CHD1L: variants seen among roughly 807,000 people sequenced by gnomAD.
The protein encoded by CHD1L is chromodomain helicase DNA binding protein 1 like.
CHD1L carries 118 observed loss-of-function variants against 115.9 expected under a neutral mutation model. The observed-to-expected ratio is 1.02, with a 90% CI of 0.88 to 1.19. The LOEUF (loss-of-function observed/expected upper bound fraction) is 1.19, where lower values mean the gene tolerates loss of function less well. Among genes scored for constraint, CHD1L ranks in the 50% most tolerant of loss-of-function variants. CHD1L has a pLI of 0.00. For synonymous variants in CHD1L, 411 were observed against 387.1 expected (o/e 1.06, Z -0.72); for missense variants, 1,179 against 1,065.3 (o/e 1.11, Z -1.49).
the CHD1L span, chr1:147,179,688 G>T: frequency 1.1e-6 from 1 of 883,788 alleles, no homozygotes; most frequent in East Asian, 2.5e-5. Context: ...AAAACCACTG[G>T]GGAGGACTAG....
intron 21 of CHD1L, among the ~76,000 whole-genome samples, chr1:147,294,128 TATTGA>T (rs2103037498): frequency 1.3e-5 from 2 of 152,352 alleles, no homozygotes; most frequent in East Asian, 3.9e-4. Flanking sequence ...TCTCAGAGCT[TATTGA>T]ATTGATTGGC....
At position 147,276,207 on chromosome 1, in the gene CHD1L, G is replaced by A. The variant is rs782167543; in HGVS notation, c.1489G>A (p.Gly497Ser). 1.9e-6 allele frequency: 3 copies of A among 1,614,182 alleles called. No homozygotes were observed. The highest frequency in any genetic ancestry group is 1.1e-5 in the South Asian group (1 of 91,084). ...GCTCACCAACATGATCATAGAAGGAGGCCATTTTACTCTGGGAGCCCAGAA... is the reference window on the plus strand; with the variant it reads ...GCTCACCAACATGATCATAGAAGGAAGCCATTTTACTCTGGGAGCCCAGAA... ...LQLTNMIIEG[G>S]HFTLGAQKPA... Residue 497 changes from glycine (G) to serine (S), a missense_variant, in exon 14 of 23, where the codon GGC (glycine) becomes AGC (serine). By Grantham distance (56) the Gly-to-Ser change is moderately conservative (BLOSUM62 0). Transcript: ENST00000369258.
chr1:147,186,400 A>C, the CHD1L span: 1 of 895,850 alleles, frequency 1.1e-6, no homozygotes, highest in Non-Finnish European at 1.3e-6. Context: ...TCTTAGATAC[A>C]TACAACTATT....
At position 147,268,883 on chromosome 1, in the gene CHD1L, G is replaced by A. The variant is rs782324891; in HGVS notation, c.1085+5G>A. The A allele has an allele frequency of 1.2e-6, 2 of 1,608,412 alleles. No homozygotes were observed. Among genetic ancestry groups the A allele is most frequent in the Non-Finnish European group, 1.7e-6 (2 of 1,175,592 alleles). On this transcript the variant is annotated splice_donor_5th_base_variant and intron_variant, in intron 10 of 22. Transcript: ENST00000369258. The stretch of plus-strand genomic sequence containing the variant: ...ACTAGCATTCCTGTATTCTGGGTAG[G>A]TGGTAGGTTCACATTTGCTGCTCTG...
At position 147,272,232 on chromosome 1, in the gene CHD1L, G is replaced by C; in HGVS notation, c.1221G>C (p.Lys407Asn). The C allele has an allele frequency of 6.2e-7, 1 of 1,614,194 alleles. No homozygotes were observed. Among genetic ancestry groups the C allele is most frequent in the East Asian group, 2.2e-5 (1 of 44,882 alleles). ...GAGAAGAGAGACACTTGGCCATTAAGAACTTTGGACAGCAGCCCATTTTCG... is the reference window on the plus strand; with the variant it reads ...GAGAAGAGAGACACTTGGCCATTAACAACTTTGGACAGCAGCCCATTTTCG... Reference protein sequence around the residue: ...VRGEERHLAIKNFGQQPIFVF... With the variant: ...VRGEERHLAINNFGQQPIFVF... The change falls in exon 12 of 23, where the codon AAG (lysine) becomes AAC (asparagine). Residue 407 changes from lysine (K) to asparagine (N), a missense_variant. Coordinates refer to ENST00000369258, the MANE Select transcript of CHD1L (RefSeq NM_004284.6).
intron 17 of CHD1L, among the ~76,000 whole-genome samples, chr1:147,285,842 G>A (rs1042097196): frequency 6.6e-6 from 1 of 152,042 alleles, no homozygotes; most frequent in Admixed American, 6.6e-5. Context: ...GAACACAGGT[G>A]TGTGCCACCA....
Position 147,275,404 on chromosome 1 carries a change from A to T in CHD1L, c.1321A>T (p.Ser441Cys). The T allele has an allele frequency of 6.2e-7, 1 of 1,614,142 alleles. No individual in the cohort carries two copies. Among genetic ancestry groups the T allele is most frequent in the Non-Finnish European group, 8.5e-7 (1 of 1,180,004 alleles). Reference sequence around the variant, plus strand: ...AGCAGATACTGTGATTTTTGTTGACAGTGACTTTAATCCTCAGAATGACTT... The same window carrying T: ...AGCAGATACTGTGATTTTTGTTGACTGTGACTTTAATCCTCAGAATGACTT... ...TAADTVIFVD[S>C]DFNPQNDLQA... Residue 441 changes from serine to cysteine, a missense_variant, in exon 13 of 23, where the codon AGT becomes TGT. Ser to Cys is a moderately radical substitution (Grantham distance 112, BLOSUM62 -1). Transcript: ENST00000369258.
At chr1:147,217,220 C>T in the CHD1L span, among the ~76,000 whole-genome samples, 1 of 144,604 alleles carries the variant, frequency 6.9e-6, no homozygotes, top group African/African-American at 2.6e-5. Context: ...GCCTGGGCAA[C>T]AAGAGCAAAA....
intron 1 of CHD1L, among the ~76,000 whole-genome samples, chr1:147,250,005 A>G (rs1209582750): frequency 1.3e-5 from 2 of 152,076 alleles, no homozygotes; most frequent in African/African-American, 2.4e-5. Context: ...GATCCCATCA[A>G]CAGCATCAGT....
intron 1 of CHD1L, among the ~76,000 whole-genome samples, chr1:147,248,436 T>C (rs924002563): frequency 1.3e-5 from 2 of 151,986 alleles, no homozygotes; most frequent in Non-Finnish European, 2.9e-5. Context: ...TTGAACTCCC[T>C]ACCTCAGGAG....
chr1:147,199,231 G>GA, the CHD1L span, among the ~76,000 whole-genome samples: 1 of 144,264 alleles, frequency 6.9e-6, no homozygotes, highest in East Asian at 2.0e-4. Flanking sequence ...GGGCAGACAT[G>GA]AAAAAAATGG....
chr1:147,178,758 G>T, the CHD1L span: 207 of 1,597,836 alleles, frequency 1.3e-4, no homozygotes, highest in East Asian at 3.7e-3. Flanking sequence ...CTAACAAGTT[G>T]GAGGACAAGA....
At chr1:147,186,993 T>C in the CHD1L span, 1 of 1,614,228 alleles carries the variant, frequency 6.2e-7, no homozygotes, top group South Asian at 1.1e-5. Flanking sequence ...TCCTTTCAAC[T>C]ACTCTTGTCA....
the CHD1L span, chr1:147,225,256 G>A: frequency 8.4e-7 from 1 of 1,192,100 alleles, no homozygotes; most frequent in Non-Finnish European, 1.1e-6. Flanking sequence ...ACCCAGAGCT[G>A]AGAGTGCTCT....
chr1:147,200,218 C>T, the CHD1L span, among the ~76,000 whole-genome samples: 1 of 152,146 alleles, frequency 6.6e-6, no homozygotes, highest in Non-Finnish European at 1.5e-5. Flanking sequence ...CAAGATTTCA[C>T]TCCTTGATTC....
chr1:147,272,382 G>A, intron 12 of CHD1L, 101 bp downstream of exon 12: 1 of 820,672 alleles, frequency 1.2e-6, no homozygotes, highest in East Asian at 2.5e-5. Context: ...TCTCTGAAAG[G>A]TGAGGTTACT....
At chr1:147,225,237 G>C in the CHD1L span, 1 of 1,355,660 alleles carries the variant, frequency 7.4e-7, no homozygotes, top group Non-Finnish European at 9.6e-7. Flanking sequence ...GGAGCCCTGC[G>C]CCTGCAAGAC....
chr1:147,226,107 C>CT, the CHD1L span, among the ~76,000 whole-genome samples: 1,346 of 147,764 alleles, frequency 9.1e-3, 19 homozygotes, highest in Admixed American at 0.035. Flanking sequence ...ATTTATCTTA[C>CT]TTTTTTTTTT....
At chr1:147,186,686 G>A in the CHD1L span, 1 of 1,383,408 alleles carries the variant, frequency 7.2e-7, no homozygotes, top group Non-Finnish European at 9.3e-7. Flanking sequence ...ATTACCACAA[G>A]GAAGAGTGAC....
Sources: allele counts gnomAD v4.1 joint callset (sites outside exome capture counted in the v4.1 genomes callset), GRCh38; gene constraint gnomAD v4.1.1; transcripts MANE v1.5; gene names NCBI Gene and HGNC (gene_info 2026-07-23, HGNC 2026-07-21).